The following AOPEP variants were observed in gnomAD, a reference collection of about 807,000 sequenced individuals.
The protein encoded by AOPEP is aminopeptidase O.
In AOPEP, 77 loss-of-function variants were observed where a neutral mutation model predicts 98.1. The observed-to-expected ratio is 0.78, with a 90% CI of 0.65 to 0.95. The LOEUF is 0.95. Ranked by LOEUF, AOPEP falls within the 40% of genes least tolerant of loss-of-function variation. The probability of loss-of-function intolerance (pLI) is 0.00; values close to 1 mark genes in which losing one functional copy is unlikely to be tolerated. For missense variants in AOPEP, 1,024 were observed against 1,024.7 expected, an observed-to-expected ratio of 1.00 and a Z score of 0.01; for synonymous variants, 346 against 365.3, an observed-to-expected ratio of 0.95 and a Z score of 0.60.
the AOPEP span, among the ~76,000 whole-genome samples, chr9:95,104,567 T>C: frequency 6.6e-6 from 1 of 152,160 alleles, no homozygotes; most frequent in African/African-American, 2.4e-5. Context: ...CTCCCAGCAA[T>C]GTCTCTGGGC....
chr9:94,743,191 GA>G (rs1564051696), intron 1 of AOPEP, among the ~76,000 whole-genome samples: 3 of 121,098 alleles, frequency 2.5e-5, no homozygotes, highest in African/African-American at 9.9e-5. Context: ...AGAAGAAGAA[GA>G]AGAAGAAGAG....
At chr9:94,949,775 G>T (rs950887386) in intron 7 of AOPEP, among the ~76,000 whole-genome samples, 2 of 152,198 alleles carry the variant, frequency 1.3e-5, no homozygotes, top group East Asian at 3.8e-4. Flanking sequence ...AATTGTCACC[G>T]AAAACAAACA....
At chr9:95,022,093 A>G (rs910570708) in intron 13 of AOPEP, 3 of 152,210 alleles carry the variant, frequency 2.0e-5, no homozygotes, top group Non-Finnish European at 4.4e-5. Context: ...ATTTTGTCTC[A>G]GCTTTTTGTT....
chr9:95,001,213 A>C (rs992859206), intron 11 of AOPEP, among the ~76,000 whole-genome samples: 2 of 152,232 alleles, frequency 1.3e-5, no homozygotes, highest in African/African-American at 4.8e-5. Context: ...GAAAACTGAA[A>C]AAGGCTTTCC....
chr9:94,934,534 T>C (rs898541094), intron 7 of AOPEP: 4 of 152,164 alleles, frequency 2.6e-5, no homozygotes, highest in African/African-American at 9.7e-5. Context: ...CATCTAATTA[T>C]CAAAACACTT....
chr9:95,108,924 G>A, the AOPEP span, among the ~76,000 whole-genome samples: 1 of 132,200 alleles, frequency 7.6e-6, no homozygotes, highest in Non-Finnish European at 1.6e-5. Flanking sequence ...TTTTTTTTTG[G>A]AGACAGAGCC....
chr9:95,056,697 C>T (rs934381559), intron 13 of AOPEP, among the ~76,000 whole-genome samples: 10 of 152,188 alleles, frequency 6.6e-5, no homozygotes, highest in South Asian at 2.1e-4. Context: ...GTACAGCTTG[C>T]GTCGACTCTG....
chr9:94,910,615 G>C (rs2051880882), intron 5 of AOPEP, among the ~76,000 whole-genome samples: 1 of 152,208 alleles, frequency 6.6e-6, no homozygotes. Flanking sequence ...CCCACTGGTC[G>C]AGGGTCCAGC....
intron 5 of AOPEP, among the ~76,000 whole-genome samples, chr9:94,838,287 C>T (rs1236841154): frequency 3.3e-5 from 5 of 152,130 alleles, no homozygotes; most frequent in African/African-American, 1.2e-4. Context: ...GGGTTACAGG[C>T]GTGAGCCACT....
intron 5 of AOPEP, among the ~76,000 whole-genome samples, chr9:94,833,875 TTAAG>T (rs771787010): frequency 1.5e-4 from 22 of 151,466 alleles, no homozygotes; most frequent in Non-Finnish European, 3.3e-4. Context: ...AGCTAATAAA[TTAAG>T]TAATGGTAGA....
chr9:95,034,224 G>A (rs2064575227), intron 13 of AOPEP, among the ~76,000 whole-genome samples: 1 of 152,204 alleles, frequency 6.6e-6, no homozygotes, highest in Non-Finnish European at 1.5e-5. Flanking sequence ...GATGTAGGTA[G>A]CGATTGCTTC....
chr9:94,965,416 G>A (rs934804088), intron 9 of AOPEP, among the ~76,000 whole-genome samples: 8 of 152,236 alleles, frequency 5.3e-5, no homozygotes, highest in Admixed American at 2.0e-4. Context: ...CTTTGTCTCC[G>A]GAAGAAATGG....
chr9:94,863,080 G>C lies in AOPEP; in HGVS notation c.1365-60906G>C, dbSNP rs1046362563. ...CAGAACACTTGAAATAATGACTTAG[G>C]TAAGACAGAAGTTTCCTTCTTTCCC... On this transcript the variant is annotated intron_variant, in intron 5 of 16. Transcript: ENST00000375315. Among the ~76,000 whole-genome samples the C allele has an allele frequency of 2.6e-5, 4 of 152,220 alleles. 1 individual carries two copies. The highest frequency in any genetic ancestry group is 6.8e-3 in the Middle Eastern group (2 of 294).
intron 13 of AOPEP, chr9:95,019,055 G>GTTT (rs1394283467): frequency 6.6e-6 from 1 of 152,072 alleles, no homozygotes; most frequent in African/African-American, 2.4e-5. Flanking sequence ...ATCAGGCTTG[G>GTTT]TTTTTTCCTG....
intron 5 of AOPEP, among the ~76,000 whole-genome samples, chr9:94,896,802 G>C (rs1280762332): frequency 1.3e-5 from 2 of 151,958 alleles, no homozygotes; most frequent in Non-Finnish European, 2.9e-5. Context: ...TGGTATTCTG[G>C]TAAAAACTAA....
intron 5 of AOPEP, among the ~76,000 whole-genome samples, chr9:94,842,077 A>C (rs551825757): frequency 6.6e-6 from 1 of 152,126 alleles, no homozygotes; most frequent in South Asian, 2.1e-4. Context: ...AAAGAAAACA[A>C]GAAGCCAGGT....
chr9:95,018,991 A>G (rs562631705), intron 13 of AOPEP: 1 of 152,196 alleles, frequency 6.6e-6, no homozygotes, highest in Non-Finnish European at 1.5e-5. Context: ...TTTCTCCTCC[A>G]TGACAGAGAA....
rs1318837233 is a variant in AOPEP, at chr9:94,906,992, G to C, written c.1365-16994G>C. Among the ~76,000 whole-genome samples, 7 of 152,284 alleles carry C rather than the reference G, an allele frequency of 4.6e-5. No homozygotes were observed. The East Asian group carries it at 1.4e-3, about 29-fold the overall frequency. On this transcript the variant is annotated intron_variant, in intron 5 of 16. Transcript: ENST00000375315. ...GATACTAGAAAGGAGAGGTGGGCCCGAGTTTTGGCTCTGCTGCATCACTGG... is the reference window on the plus strand; with the variant it reads ...GATACTAGAAAGGAGAGGTGGGCCCCAGTTTTGGCTCTGCTGCATCACTGG...
intron 5 of AOPEP, among the ~76,000 whole-genome samples, chr9:94,887,138 C>G (rs906088119): frequency 3.3e-5 from 5 of 151,512 alleles, no homozygotes; most frequent in African/African-American, 4.9e-5. Flanking sequence ...CTCAGGAGTT[C>G]GAGACCAGCC....
Sources: gnomAD v4.1 joint callset for allele counts (sites outside exome capture counted in the v4.1 genomes callset) on GRCh38, gnomAD v4.1.1 for gene constraint, MANE v1.5 for transcripts, NCBI Gene and HGNC (gene_info 2026-07-23, HGNC 2026-07-21) for gene names.